ZBTB16: variants seen among roughly 807,000 people sequenced by gnomAD.
ZBTB16 encodes the protein zinc finger and BTB domain-containing protein 16.
A neutral mutation model predicts 56.8 loss-of-function variants in ZBTB16; 8 were observed. The observed-to-expected ratio is 0.14, with a 90% CI of 0.08 to 0.25. The LOEUF (loss-of-function observed/expected upper bound fraction) is 0.25. Ranked by LOEUF, ZBTB16 falls within the 10% of genes least tolerant of loss-of-function variation. The pLI is 1.00. For missense variants in ZBTB16, 625 were observed against 903.0 expected, an observed-to-expected ratio of 0.69 and a Z score of 3.95; for synonymous variants, 363 against 368.5, an observed-to-expected ratio of 0.98 and a Z score of 0.17.
At chr11:114,210,197 G>GTGTGCGCGCA (rs1321673460) in intron 4 of ZBTB16, among the ~76,000 whole-genome samples, 1 of 151,096 alleles carries the variant, frequency 6.6e-6, no homozygotes, top group Non-Finnish European at 1.5e-5. Flanking sequence ...GTGTGTGCGT[G>GTGTGCGCGCA]CGCGCGCGTG....
chr11:114,101,827 A>T (rs1365842604), intron 2 of ZBTB16, among the ~76,000 whole-genome samples: 1 of 152,206 alleles, frequency 6.6e-6, no homozygotes, highest in Non-Finnish European at 1.5e-5. Flanking sequence ...TTTTCATGTC[A>T]TTGCCTATAG....
At chr11:114,094,678 T>C (rs1160435214) in intron 2 of ZBTB16, among the ~76,000 whole-genome samples, 1 of 152,194 alleles carries the variant, frequency 6.6e-6, no homozygotes, top group Non-Finnish European at 1.5e-5. Flanking sequence ...AAAGCACCCT[T>C]GTTGTGGATG....
rs145751819 is a variant in ZBTB16, at chr11:114,247,253, A to C, written c.1680A>C (p.Thr560=). The change falls in exon 6 of 7, where the codon ACA becomes ACC. Residue 560 remains threonine, a synonymous_variant. Transcript: ENST00000335953. ...GCAGCTGCTTCCGGGATGAGAGCAC[A>C]CTCAAGAGCCACAAACGCATCCACA... ...FCGSCFRDES[T]LKSHKRIHTG... 6.2e-7 allele frequency: 1 copy of C among 1,614,092 alleles called. No homozygotes were observed. Among genetic ancestry groups the C allele is most frequent in the Non-Finnish European group, 8.5e-7 (1 of 1,180,052 alleles).
intron 2 of ZBTB16, among the ~76,000 whole-genome samples, chr11:114,074,995 GA>G (rs1365031557): frequency 6.6e-6 from 1 of 152,044 alleles, no homozygotes; most frequent in Non-Finnish European, 1.5e-5. Context: ...GCCGTGTTGT[GA>G]GCGTATGTGC....
chr11:114,240,200 G>T (rs904855777), intron 4 of ZBTB16, among the ~76,000 whole-genome samples: 1 of 152,156 alleles, frequency 6.6e-6, no homozygotes, highest in Non-Finnish European at 1.5e-5. Flanking sequence ...GGGATATCAG[G>T]GTGGGTGTGA....
intron 2 of ZBTB16, among the ~76,000 whole-genome samples, chr11:114,129,480 C>T (rs192698724): frequency 6.6e-6 from 1 of 152,340 alleles, no homozygotes; most frequent in East Asian, 1.9e-4. Flanking sequence ...TGCTTCCTGC[C>T]TTACGCAGGC....
At chr11:114,164,632 GAC>G (rs2134986763) in intron 3 of ZBTB16, among the ~76,000 whole-genome samples, 2 of 152,298 alleles carry the variant, frequency 1.3e-5, no homozygotes, top group South Asian at 4.1e-4. Context: ...TGGCTTCGCA[GAC>G]ACACACCCTG....
intron 6 of ZBTB16, among the ~76,000 whole-genome samples, chr11:114,249,162 G>A (rs938632238): frequency 4.0e-5 from 6 of 150,230 alleles, no homozygotes; most frequent in East Asian, 2.0e-4. Context: ...AGGTCTTAGC[G>A]GTTTTAGCAG....
intron 3 of ZBTB16, among the ~76,000 whole-genome samples, chr11:114,164,688 T>C (rs1330912199): frequency 1.3e-5 from 2 of 152,214 alleles, no homozygotes; most frequent in Non-Finnish European, 2.9e-5. Flanking sequence ...TCTCTTGCCC[T>C]CAGCCCCATT....
Position 114,251,086 on chromosome 11 carries a change from C to T in ZBTB16, c.*531C>T, listed in dbSNP as rs1394977298. Among the ~76,000 whole-genome samples the T allele has an allele frequency of 6.6e-6, 1 of 152,106 alleles. No individual in the cohort carries two copies. The highest frequency in any genetic ancestry group is 1.9e-4 in the East Asian group (1 of 5,174). On this transcript the variant is annotated 3_prime_UTR_variant, in exon 7 of 7. Coordinates refer to ENST00000335953, the MANE Select transcript of ZBTB16 (RefSeq NM_006006.6). ...GGCGGCTGACTGGGGAGGAGAAGGG[C>T]TCTGTTTCTCTTCCCACCACTCAGC...
chr11:114,139,723 T>C (rs530870663), intron 2 of ZBTB16, among the ~76,000 whole-genome samples: 21 of 151,760 alleles, frequency 1.4e-4, no homozygotes, highest in African/African-American at 5.1e-4. Context: ...CTTTTTGGCA[T>C]CCAACTACGG....
chr11:114,191,345 G>T (rs1301514030), intron 4 of ZBTB16, among the ~76,000 whole-genome samples: 4 of 152,154 alleles, frequency 2.6e-5, no homozygotes, highest in Non-Finnish European at 5.9e-5. Context: ...TCTACATTTA[G>T]ATGTGTTTAG....
chr11:114,171,541 G>A (rs1328431935), intron 3 of ZBTB16, among the ~76,000 whole-genome samples: 1 of 152,222 alleles, frequency 6.6e-6, no homozygotes, highest in Non-Finnish European at 1.5e-5. Context: ...TCAGAGGACA[G>A]CATGTAACTG....
chr11:114,196,265 G>C (rs989887481), intron 4 of ZBTB16, among the ~76,000 whole-genome samples: 1 of 152,174 alleles, frequency 6.6e-6, no homozygotes, highest in African/African-American at 2.4e-5. Context: ...GCCCTCAAAG[G>C]CTCAGGAATT....
At chr11:114,079,128 A>C (rs1019839078) in intron 2 of ZBTB16, among the ~76,000 whole-genome samples, 1 of 151,182 alleles carries the variant, frequency 6.6e-6, no homozygotes, top group Admixed American at 6.6e-5. Flanking sequence ...AAGAAGAAGA[A>C]GGAGGCACCC....
At chr11:114,236,423 A>G (rs768577072) in intron 4 of ZBTB16, among the ~76,000 whole-genome samples, 1 of 152,206 alleles carries the variant, frequency 6.6e-6, no homozygotes, top group African/African-American at 2.4e-5. Context: ...ACTGTATAAT[A>G]TGGCAAAACT....
chr11:114,188,323 G>A (rs1376753295), intron 4 of ZBTB16: 1 of 152,382 alleles, frequency 6.6e-6, no homozygotes, highest in Non-Finnish European at 1.5e-5. Flanking sequence ...ACTTGCTGGA[G>A]TTGGTAGTGG....
At chr11:114,068,557 G>C (rs1171204779) in intron 2 of ZBTB16, among the ~76,000 whole-genome samples, 1 of 152,214 alleles carries the variant, frequency 6.6e-6, no homozygotes, top group Non-Finnish European at 1.5e-5. Context: ...CATCCAATGG[G>C]ACTGACTTAC....
At chr11:114,206,136 C>T (rs1263240711) in intron 4 of ZBTB16, among the ~76,000 whole-genome samples, 7 of 152,190 alleles carry the variant, frequency 4.6e-5, no homozygotes, top group African/African-American at 1.2e-4. Context: ...GGTGCCATAT[C>T]GCCAACCTTT....
Sources: gnomAD v4.1 joint callset for allele counts (sites outside exome capture counted in the v4.1 genomes callset) on GRCh38, gnomAD v4.1.1 for gene constraint, MANE v1.5 for transcripts, NCBI Gene and HGNC (gene_info 2026-07-23, HGNC 2026-07-21) for gene names.